The following THRAP3 variants were observed in gnomAD, a reference collection of about 807,000 sequenced individuals.
The protein encoded by THRAP3 is thyroid hormone receptor-associated protein 3.
In THRAP3, 16 loss-of-function variants were observed where a neutral mutation model predicts 101.0. The observed-to-expected ratio is 0.16, with a 90% CI of 0.11 to 0.24. The LOEUF (loss-of-function observed/expected upper bound fraction) is 0.24, where lower values mean the gene tolerates loss of function less well. Ranked by LOEUF, THRAP3 falls within the 10% of genes least tolerant of loss-of-function variation. THRAP3 has a pLI of 1.00. For missense variants in THRAP3, 989 were observed against 1,202.7 expected, an observed-to-expected ratio of 0.82 and a Z score of 2.63; for synonymous variants, 407 against 422.6, an observed-to-expected ratio of 0.96 and a Z score of 0.45.
chr1:36,231,076 T>C (rs1645022464), intron 1 of THRAP3, among the ~76,000 whole-genome samples: 1 of 152,186 alleles, frequency 6.6e-6, no homozygotes, highest in Admixed American at 6.6e-5. Flanking sequence ...CATCTTTTAT[T>C]ACCTGTTCTG....
rs1234374456 is a variant in THRAP3 at position 36,264,090 on chromosome 1, C to T, written c.-32+4606C>T. 5.9e-5 allele frequency among the ~76,000 whole-genome samples: 9 copies of T among 152,284 alleles called. No individual in the cohort carries two copies. The East Asian group carries it at 1.4e-3, about 23-fold the overall frequency. On this transcript the variant is annotated intron_variant, in intron 2 of 11. Transcript: ENST00000354618. ...TGTTTGTTTTTTTGAGACGGAGTCT[C>T]GCTCTGTCGCCCAGGCTGGAGTGCA...
chr1:36,289,906 C>T (rs1224275290), intron 5 of THRAP3, 142 bp downstream of exon 5: 3 of 1,219,898 alleles, frequency 2.5e-6, no homozygotes, highest in South Asian at 3.3e-5. Context: ...CCTGTGTTCA[C>T]TGGAGAGTAT....
At chr1:36,301,225 A>T (rs899890131) in intron 10 of THRAP3, 141 bp downstream of exon 10, 1 of 910,004 alleles carries the variant, frequency 1.1e-6, no homozygotes, top group Non-Finnish European at 1.6e-6. Context: ...TCTCCTTCCC[A>T]CATTTCCTGG....
upstream of THRAP3, among the ~76,000 whole-genome samples, chr1:36,219,894 G>T (rs1432471440): frequency 6.6e-6 from 1 of 152,166 alleles, no homozygotes; most frequent in Non-Finnish European, 1.5e-5. Flanking sequence ...TAAGTTGAAG[G>T]CGATGCTCAT....
intron 1 of THRAP3, among the ~76,000 whole-genome samples, chr1:36,243,151 CTTTTT>C (rs58340320): frequency 2.3e-4 from 14 of 60,880 alleles, no homozygotes; most frequent in African/African-American, 6.3e-4. Context: ...GAGGAACTTT[CTTTTT>C]TTTTTTTTTT....
In THRAP3 at chr1:36,268,723, A is replaced by T. The variant is rs1005866913; in HGVS notation, c.-32+9239A>T. Among the ~76,000 whole-genome samples the T allele has an allele frequency of 1.9e-3, 271 of 143,514 alleles. 1 individual carries two copies. Among genetic ancestry groups the T allele is most frequent in the Non-Finnish European group, 2.8e-3 (181 of 65,000 alleles). 94.2% of individuals were successfully genotyped at this position (143,514 alleles called of 152,430 possible). ...TAATCCATGTGTCCAATATGAGTTA[A>T]TTTTTTTTTTTTTTTTGAGACGGAG... On this transcript the variant is annotated intron_variant, in intron 2 of 11. Transcript: ENST00000354618.
the THRAP3 span, among the ~76,000 whole-genome samples, chr1:36,218,391 G>T: frequency 1.4e-5 from 2 of 138,692 alleles, no homozygotes; most frequent in African/African-American, 5.5e-5. Flanking sequence ...CTCCAGCCTG[G>T]GCAACACAGC....
chr1:36,222,851 C>T (rs990042294), upstream of THRAP3, among the ~76,000 whole-genome samples: 2 of 152,080 alleles, frequency 1.3e-5, no homozygotes, highest in African/African-American at 2.4e-5. Context: ...TACATTGGTT[C>T]AGCCCCGTGG....
chr1:36,282,782 C>A lies in THRAP3; in HGVS notation c.137+82C>A, dbSNP rs984664309. 3.2e-5 allele frequency: 49 copies of A among 1,517,074 alleles called. No homozygotes were observed. In the South Asian group the frequency reaches 5.2e-4, roughly 16 times the overall value. The allele number at this position is 1,517,074 out of a possible 1,614,324, so 94.0% of individuals were successfully genotyped here. A position where few individuals can be genotyped will look rare whatever the true frequency, so the allele number is the denominator to read the frequency against. On this transcript the variant is annotated intron_variant, in intron 3 of 11. Transcript: ENST00000354618. ...TTTGAAGATCTTTTGTTAGACTTTT[C>A]CTGTGAGTGTCAAATGGACTGGGGG... is the stretch of plus-strand genomic sequence containing the variant.
chr1:36,230,354 G>A (rs914001293), intron 1 of THRAP3, among the ~76,000 whole-genome samples: 3 of 151,924 alleles, frequency 2.0e-5, no homozygotes, highest in Non-Finnish European at 2.9e-5. Context: ...CTGACCTCAG[G>A]TGATCCGCCC....
the THRAP3 span, among the ~76,000 whole-genome samples, chr1:36,210,718 T>TC: frequency 6.9e-3 from 50 of 7,196 alleles, 3 homozygotes; most frequent in East Asian, 0.11. Context: ...TATATATATA[T>TC]ATATATATAT....
intron 8 of THRAP3, among the ~76,000 whole-genome samples, chr1:36,295,991 T>TTTTTTA (rs1645945545): frequency 8.0e-6 from 1 of 125,600 alleles, no homozygotes; most frequent in Non-Finnish European, 1.7e-5. Flanking sequence ...TTTTTTTTTT[T>TTTTTTA]GAGAGATAGT....
chr1:36,262,185 A>G (rs748196607), intron 2 of THRAP3, among the ~76,000 whole-genome samples: 4 of 152,184 alleles, frequency 2.6e-5, no homozygotes, highest in African/African-American at 9.7e-5. Context: ...ATGGTGAGAT[A>G]TTTTACTTTC....
chr1:36,280,067 T>C (rs764454298), intron 2 of THRAP3, among the ~76,000 whole-genome samples: 4 of 152,154 alleles, frequency 2.6e-5, no homozygotes, highest in African/African-American at 4.8e-5. Context: ...GGAGGATCCA[T>C]TGATCTTAGA....
At position 36,275,602 on chromosome 1, in the gene THRAP3, A is replaced by AAG. The variant is rs1553122395; in HGVS notation, c.-31-6930_-31-6929insGA. Among the ~76,000 whole-genome samples, 383 of 126,974 alleles carry AAG rather than the reference A, an allele frequency of 3.0e-3. 69 individuals carry two copies. Among genetic ancestry groups the AAG allele is most frequent in the African/African-American group, 4.8e-3 (160 of 33,604 alleles). 83.3% of individuals were successfully genotyped at this position (126,974 alleles called of 152,430 possible). A position where few individuals can be genotyped will look rare whatever the true frequency, so the allele number is the denominator to read the frequency against. On this transcript the variant is annotated intron_variant, in intron 2 of 11. Transcript: ENST00000354618. ...ACTCTGTCTCAAAAAAAAAAAAAAA[A>AAG]AAGTCTTCTTTTTTTTTTTTCTTTT...
At chr1:36,278,508 C>T (rs545394898) in intron 2 of THRAP3, among the ~76,000 whole-genome samples, 10 of 152,282 alleles carry the variant, frequency 6.6e-5, no homozygotes, top group Admixed American at 5.9e-4. Flanking sequence ...AAGGCTTGGG[C>T]TTCTGAAAAG....
chr1:36,251,684 G>A (rs747664143), intron 1 of THRAP3, among the ~76,000 whole-genome samples: 5 of 152,178 alleles, frequency 3.3e-5, no homozygotes, highest in Non-Finnish European at 5.9e-5. Context: ...ACCCAAACCA[G>A]CTTGTTGAAG....
intron 2 of THRAP3, among the ~76,000 whole-genome samples, chr1:36,273,570 C>T (rs1474681934): frequency 1.3e-5 from 2 of 152,156 alleles, no homozygotes; most frequent in Non-Finnish European, 2.9e-5. Context: ...GTGTACTAGA[C>T]GTTCCAGCCA....
the THRAP3 span, among the ~76,000 whole-genome samples, chr1:36,208,966 CTTTTTTTTT>C: frequency 0.041 from 2,148 of 52,030 alleles, 131 homozygotes; most frequent in African/African-American, 0.13. Flanking sequence ...CATGTCCAGC[CTTTTTTTTT>C]TTTTTTTTTT....
Sources: allele counts gnomAD v4.1 joint callset (sites outside exome capture counted in the v4.1 genomes callset), GRCh38; gene constraint gnomAD v4.1.1; transcripts MANE v1.5; gene names NCBI Gene and HGNC (gene_info 2026-07-23, HGNC 2026-07-21).